The following ZNF423 variants were observed in gnomAD, a reference collection of about 807,000 sequenced individuals.
The protein encoded by ZNF423 is zinc finger protein 423.
ZNF423 carries 12 observed loss-of-function variants against 95.8 expected under a neutral mutation model. That is an observed-to-expected ratio of 0.13 (90% confidence interval 0.08 to 0.20). The LOEUF is 0.20. Ranked by LOEUF, ZNF423 falls within the 10% of genes least tolerant of loss-of-function variation. The pLI, the probability that ZNF423 is intolerant of heterozygous loss-of-function variation, is 1.00. For synonymous variants in ZNF423, 749 were observed against 711.9 expected (o/e 1.05, Z -0.83); for missense variants, 1,316 against 1,737.1 (o/e 0.76, Z 4.31).
At chr16:49,749,075 G>T (rs1017117419) in intron 2 of ZNF423, among the ~76,000 whole-genome samples, 2 of 152,196 alleles carry the variant, frequency 1.3e-5, no homozygotes, top group Admixed American at 6.5e-5. Flanking sequence ...GAGGAAGGTG[G>T]CGAAACAGCA....
intron 2 of ZNF423, among the ~76,000 whole-genome samples, chr16:49,735,965 A>T (rs1010399147): frequency 1.3e-5 from 2 of 152,230 alleles, no homozygotes; most frequent in Non-Finnish European, 2.9e-5. Flanking sequence ...ATGGTTTGTT[A>T]CGTAGCAATG....
chr16:49,856,938 G>C (rs1214049807), upstream of ZNF423, among the ~76,000 whole-genome samples: 12 of 120,528 alleles, frequency 1.0e-4, 1 homozygote, highest in Non-Finnish European at 1.6e-4. Context: ...GCGGCGGCCG[G>C]GCTCCCGTCC....
chr16:49,567,925 T>A (rs1970243484), intron 5 of ZNF423, among the ~76,000 whole-genome samples: 1 of 152,156 alleles, frequency 6.6e-6, no homozygotes, highest in Non-Finnish European at 1.5e-5. Context: ...ACCTTGTTTT[T>A]ATTCCCGCCA....
rs554172246 is a variant in ZNF423 at position 49,635,248 on chromosome 16, C to G, written c.3516+412G>C. ...AGTCAGTGACTTGCCTAAGGAGACC[C>G]AATAAGCAAATGAGTATGTCATACC... On this transcript the variant is annotated intron_variant, in intron 4 of 7. Coordinates refer to ENST00000563137, the MANE Select transcript of ZNF423 (RefSeq NM_001379286.1). The surrounding 1 kb of genome is among the most constrained non-coding windows in gnomAD (Gnocchi z 4.8). 5.9e-5 allele frequency among the ~76,000 whole-genome samples: 9 copies of G among 152,230 alleles called. No individual in the cohort carries two copies. In the South Asian group the frequency reaches 1.9e-3, roughly 32 times the overall value.
intron 7 of ZNF423, among the ~76,000 whole-genome samples, chr16:49,500,121 G>C (rs181296245): frequency 7.6e-4 from 116 of 152,294 alleles, no homozygotes; most frequent in African/African-American, 2.7e-3. Flanking sequence ...AATGCTTCCA[G>C]GGCTGCTTAT....
chr16:49,828,449 C>T (rs1003940628), intron 1 of ZNF423, among the ~76,000 whole-genome samples: 4 of 152,128 alleles, frequency 2.6e-5, no homozygotes, highest in Non-Finnish European at 4.4e-5. Flanking sequence ...AAGCATAGTT[C>T]GAGTTTGTGA....
chr16:49,624,594 A>G (rs1348085545), intron 5 of ZNF423, among the ~76,000 whole-genome samples: 1 of 152,194 alleles, frequency 6.6e-6, no homozygotes, highest in East Asian at 1.9e-4. Context: ...AGACATGTCC[A>G]TGAATATGCC....
At chr16:49,513,632 GGGATGGATGGATGGATGGATGGAT>G (rs200850664) in intron 7 of ZNF423, among the ~76,000 whole-genome samples, 3 of 135,208 alleles carry the variant, frequency 2.2e-5, no homozygotes, top group Admixed American at 7.5e-5. Context: ...AACACATATG[GGGATGGATGGATGGATGGATGGAT>G]GGATGGATGG....
intron 5 of ZNF423, among the ~76,000 whole-genome samples, chr16:49,614,968 T>C (rs1971827772): frequency 6.6e-6 from 1 of 152,086 alleles, no homozygotes; most frequent in Non-Finnish European, 1.5e-5. Flanking sequence ...CCATCTCTAC[T>C]AATAAAACAA....
chr16:49,634,669 G>A (rs1280673325), intron 4 of ZNF423, among the ~76,000 whole-genome samples: 1 of 152,204 alleles, frequency 6.6e-6, no homozygotes, highest in Non-Finnish European at 1.5e-5. Flanking sequence ...CGGTCCTTGA[G>A]GGAAATATAC....
At chr16:49,664,660 C>T (rs1465416335) in intron 3 of ZNF423, among the ~76,000 whole-genome samples, 4 of 151,634 alleles carry the variant, frequency 2.6e-5, no homozygotes, top group Non-Finnish European at 5.9e-5. Context: ...CCCTGGGAGG[C>T]CCCTGGGTGG....
At chr16:49,854,198 A>G (rs1267108787) in intron 1 of ZNF423, 3 of 985,264 alleles carry the variant, frequency 3.0e-6, no homozygotes, top group Non-Finnish European at 2.4e-6. Flanking sequence ...CCGGATTGGG[A>G]GACCAGCCAG....
chr16:49,503,911 TCCCCATAACCCTTG>T (rs1228429824), intron 7 of ZNF423, among the ~76,000 whole-genome samples: 1 of 152,212 alleles, frequency 6.6e-6, no homozygotes, highest in Non-Finnish European at 1.5e-5. Context: ...TCCACTGTCT[TCCCCATAACCCTTG>T]CCCCGGCCAT....
intron 1 of ZNF423, chr16:49,822,575 C>A: frequency 9.7e-7 from 1 of 1,030,824 alleles, no homozygotes; most frequent in Non-Finnish European, 1.4e-6. Flanking sequence ...GGGATGAGAC[C>A]CACATTGTCC....
At chr16:49,528,868 T>C (rs1481005638) in intron 5 of ZNF423, among the ~76,000 whole-genome samples, 1 of 152,052 alleles carries the variant, frequency 6.6e-6, no homozygotes, top group Non-Finnish European at 1.5e-5. Context: ...CCCATGGATA[T>C]TGATAGAATT....
intron 7 of ZNF423, among the ~76,000 whole-genome samples, chr16:49,516,708 C>G (rs1654486224): frequency 6.6e-6 from 1 of 152,202 alleles, no homozygotes; most frequent in Non-Finnish European, 1.5e-5. Flanking sequence ...CAGTGTCCAT[C>G]CAGGTCATGC....
intron 1 of ZNF423, among the ~76,000 whole-genome samples, chr16:49,819,750 G>A (rs1294872272): frequency 6.6e-6 from 1 of 152,138 alleles, no homozygotes; most frequent in Non-Finnish European, 1.5e-5. Flanking sequence ...ATGAGTATCT[G>A]ATTACAGATG....
intron 2 of ZNF423, among the ~76,000 whole-genome samples, chr16:49,766,457 G>A (rs1183442064): frequency 2.0e-5 from 3 of 152,232 alleles, no homozygotes; most frequent in Non-Finnish European, 4.4e-5. Flanking sequence ...AGGGAGACCT[G>A]ATGCCACAGC....
rs137934969 is a variant in ZNF423 at position 49,592,651 on chromosome 16, C to T, written c.3601+33519G>A. Among the ~76,000 whole-genome samples the T allele has an allele frequency of 1.6e-4, 25 of 152,338 alleles. No individual in the cohort carries two copies. In the East Asian group the frequency reaches 4.4e-3, roughly 27 times the overall value. ...TCGCTGTAAAGCCTATCCTCGTCAC[C>T]CACACCAGCCGGGAGTCAGCCACGT... On this transcript the variant is annotated intron_variant, in intron 5 of 7. Coordinates refer to ENST00000563137, the MANE Select transcript of ZNF423 (RefSeq NM_001379286.1).
Sources: gnomAD v4.1 joint callset for allele counts (sites outside exome capture counted in the v4.1 genomes callset) on GRCh38, gnomAD v4.1.1 for gene constraint, Gnocchi (gnomAD v3.1) non-coding constraint, MANE v1.5 for transcripts, NCBI Gene and HGNC (gene_info 2026-07-23, HGNC 2026-07-21) for gene names.